The following RBFOX2 variants were observed in gnomAD, a reference collection of about 807,000 sequenced individuals.
RBFOX2 encodes the protein RNA binding fox-1 homolog 2, also known as RNA binding protein fox-1 homolog 2.
Under a neutral mutation model 49.1 loss-of-function variants are expected in RBFOX2, and 10 were observed. The observed-to-expected ratio is 0.20, with a 90% CI of 0.13 to 0.35. RBFOX2 has a LOEUF of 0.35. RBFOX2 is among the 10% of genes least tolerant of loss of function. The pLI is 1.00. For missense variants in RBFOX2, 323 were observed against 486.9 expected (o/e 0.66, Z 3.17); for synonymous variants, 183 against 187.4 (o/e 0.98, Z 0.19).
intron 1 of RBFOX2, among the ~76,000 whole-genome samples, chr22:35,928,947 T>C (rs1181166911): frequency 1.3e-5 from 2 of 151,840 alleles, no homozygotes; most frequent in African/African-American, 4.8e-5. Context: ...TGGAAAACAG[T>C]CTGTGGTTTC....
chr22:35,876,701 A>AACACATACAC (rs1556293837), intron 1 of RBFOX2, among the ~76,000 whole-genome samples: 1 of 140,458 alleles, frequency 7.1e-6, no homozygotes, highest in African/African-American at 2.6e-5. Flanking sequence ...CATTAAAAGA[A>AACACATACAC]ACACACACAC....
At position 35,862,297 on chromosome 22, in the gene RBFOX2, G is replaced by C. The variant is rs549309718; in HGVS notation, c.-33-52293C>G. Among the ~76,000 whole-genome samples the C allele has an allele frequency of 1.3e-4, 20 of 149,782 alleles. 1 individual carries two copies. The South Asian group carries it at 3.6e-3, about 27-fold the overall frequency. ...ATTGTATATCAATTATACCTCCATC[G>C]AGTTGTTAAAAAATTAAAATAATGA... On this transcript the variant is annotated intron_variant, in intron 1 of 13. Transcript: ENST00000359369.
At chr22:35,899,904 C>T (rs2048360997) in intron 1 of RBFOX2, among the ~76,000 whole-genome samples, 1 of 152,154 alleles carries the variant, frequency 6.6e-6, no homozygotes, top group Non-Finnish European at 1.5e-5. Context: ...GGAGGGCCCA[C>T]AGAAGAAGTT....
chr22:36,028,321 C>G (rs1476756717), exon 1 of RBFOX2: 25 of 1,510,350 alleles, frequency 1.7e-5, no homozygotes, highest in Non-Finnish European at 2.0e-5. Context: ...CGTCTCCTCC[C>G]GCTCCGGGCA....
At chr22:36,021,792 C>CT (rs2059256967) in intron 1 of RBFOX2, among the ~76,000 whole-genome samples, 1 of 152,208 alleles carries the variant, frequency 6.6e-6, no homozygotes. Context: ...GCTCAAGCAG[C>CT]TTTGCTACTT....
Position 35,951,241 on chromosome 22 carries a change from C to CTTTT in RBFOX2, c.42+10318_42+10321dup, listed in dbSNP as rs1208551684. 1.4e-3 allele frequency among the ~76,000 whole-genome samples: 113 copies of CTTTT among 78,340 alleles called. 1 individual carries two copies. The highest frequency in any genetic ancestry group is 2.9e-3 in the African/African-American group (45 of 15,528). The allele number at this position is 78,340 out of a possible 152,430, so 51.4% of individuals were successfully genotyped here. On this transcript the variant is annotated intron_variant, in intron 1 of 5. Transcript: ENST00000408983. ...AGTGCTGGGATTACCGCACCCGGCC[C>CTTTT]TTTTTTTTTTTTTTTTTTTTTTTGA...
At chr22:35,892,386 G>A (rs1393007361) in intron 1 of RBFOX2, among the ~76,000 whole-genome samples, 2 of 152,154 alleles carry the variant, frequency 1.3e-5, no homozygotes, top group Admixed American at 6.6e-5. Context: ...ACAGGAAAGC[G>A]GGGAGAAAAT....
intron 1 of RBFOX2, chr22:35,897,435 C>A: frequency 5.8e-6 from 5 of 855,992 alleles, no homozygotes; most frequent in Non-Finnish European, 8.2e-6. Flanking sequence ...GATGTGAATA[C>A]GCTCCACTTT....
chr22:35,828,246 A>G (rs529912533), intron 1 of RBFOX2, among the ~76,000 whole-genome samples: 60 of 152,250 alleles, frequency 3.9e-4, no homozygotes, highest in African/African-American at 1.3e-3. Context: ...AACAGCACTC[A>G]AGACATTGTC....
chr22:35,913,803 C>T (rs2050102722), intron 1 of RBFOX2, among the ~76,000 whole-genome samples: 1 of 151,746 alleles, frequency 6.6e-6, no homozygotes, highest in Non-Finnish European at 1.5e-5. Context: ...CTGATAATCA[C>T]AAGCCAAAGG....
At chr22:35,992,540 AT>A (rs1435680354) in intron 1 of RBFOX2, 5 of 152,204 alleles carry the variant, frequency 3.3e-5, no homozygotes, top group Non-Finnish European at 7.3e-5. Context: ...CAGAAAAAAA[AT>A]GAAATCAAAT....
At chr22:35,943,490 C>T (rs2053922583), upstream of RBFOX2, among the ~76,000 whole-genome samples, 1 of 152,136 alleles carries the variant, frequency 6.6e-6, no homozygotes, top group African/African-American at 2.4e-5. Flanking sequence ...AAATAAAATA[C>T]CAACCGTAAG....
intron 2 of RBFOX2, among the ~76,000 whole-genome samples, chr22:35,785,994 T>C (rs1012282712): frequency 1.3e-5 from 2 of 152,184 alleles, no homozygotes; most frequent in African/African-American, 4.8e-5. Flanking sequence ...AAACTTTATC[T>C]TCAATCAAAC....
In RBFOX2 at chr22:35,746,095, T is replaced by C. The variant is rs1932644768; in HGVS notation, c.977-100A>G. On this transcript the variant is annotated intron_variant, in intron 10 of 11. Coordinates refer to ENST00000405409, the Ensembl canonical transcript of RBFOX2. ...TTAAGACTTGTGAGTCACTTGGTCT[T>C]GGATTATCATAAGGAAACTGGAATT... The C allele has an allele frequency of 2.9e-5, 30 of 1,039,790 alleles. No individual in the cohort carries two copies. In the South Asian group the frequency reaches 4.0e-4, roughly 14 times the overall value. The allele number at this position is 1,039,790 out of a possible 1,614,324, so 64.4% of individuals were successfully genotyped here.
At chr22:35,817,492 A>C (rs1953376135) in intron 1 of RBFOX2, among the ~76,000 whole-genome samples, 2 of 152,006 alleles carry the variant, frequency 1.3e-5, no homozygotes, top group South Asian at 4.2e-4. Context: ...AAATAAATAA[A>C]TAAATAAATA....
At chr22:35,858,905 C>T (rs905546582) in intron 1 of RBFOX2, among the ~76,000 whole-genome samples, 1 of 151,312 alleles carries the variant, frequency 6.6e-6, no homozygotes, top group East Asian at 1.9e-4. Flanking sequence ...AAGAGAAGGT[C>T]TGCAATAAAT....
intron 1 of RBFOX2, among the ~76,000 whole-genome samples, chr22:35,868,132 G>T (rs937569727): frequency 6.6e-6 from 1 of 152,084 alleles, no homozygotes; most frequent in Non-Finnish European, 1.5e-5. Context: ...AAAAACCTGA[G>T]CCCAGAAAGT....
At chr22:35,959,397 G>A (rs1302177692) in intron 1 of RBFOX2, among the ~76,000 whole-genome samples, 2 of 152,162 alleles carry the variant, frequency 1.3e-5, no homozygotes, top group Non-Finnish European at 2.9e-5. Context: ...GAAGGTAAGT[G>A]TATGATTATC....
chr22:35,793,531 T>A (rs995015920), intron 2 of RBFOX2, among the ~76,000 whole-genome samples: 8 of 152,184 alleles, frequency 5.3e-5, no homozygotes, highest in African/African-American at 1.7e-4. Context: ...CCCACATGCT[T>A]AGCTACTGAA....
Sources: gnomAD v4.1 joint callset for allele counts (sites outside exome capture counted in the v4.1 genomes callset) on GRCh38, gnomAD v4.1.1 for gene constraint, MANE v1.5 for transcripts, NCBI Gene and HGNC (gene_info 2026-07-23, HGNC 2026-07-21) for gene names.